MYO15A: variants seen among roughly 807,000 people sequenced by gnomAD.
MYO15A encodes myosin XVA, also known as unconventional myosin-XV.
Under a neutral mutation model 394.6 loss-of-function variants are expected in MYO15A, and 308 were observed. That is an observed-to-expected ratio of 0.78 (90% CI 0.71 to 0.86). MYO15A has a LOEUF of 0.86. Ranked by LOEUF, MYO15A falls within the 40% of genes least tolerant of loss-of-function variation. MYO15A has a pLI of 0.00. For missense variants in MYO15A, 4,606 were observed against 4,799.1 expected (o/e 0.96, Z 1.19); for synonymous variants, 1,957 against 2,003.8 (o/e 0.98, Z 0.62).
chr17:18,155,409 G>A lies in MYO15A; in HGVS notation c.8436G>A (p.Gln2812=), dbSNP rs772199506. The A allele has an allele frequency of 2.5e-6, 4 of 1,613,454 alleles. No individual in the cohort carries two copies. The South Asian group carries it at 4.4e-5, about 18-fold the overall frequency. ...AGGGTGGCCAGGAGGCCGGCGGGCA[G>A]CTGCGGGTCCTGCGTGCATACAGGT... ...MVKGGQEAGG[Q]LRVLRAYSFA... Residue 2812 remains glutamine, a synonymous_variant, in exon 47 of 66, where the codon CAG becomes CAA. Transcript: ENST00000647165.
Position 18,157,540 on chromosome 17 carries a change from C to G in MYO15A, c.8789-182C>G, listed in dbSNP as rs890229746. Reference sequence around the variant, plus strand: ...CACTTCCCCTTTATGGTCCTGTGGCCCTGAGAAAATCCCTTTCTTTCCCTG... The same window carrying G: ...CACTTCCCCTTTATGGTCCTGTGGCGCTGAGAAAATCCCTTTCTTTCCCTG... On this transcript the variant is annotated intron_variant, in intron 50 of 65. Transcript: ENST00000647165. 1.3e-5 allele frequency: 16 copies of G among 1,275,982 alleles called. No homozygotes were observed. In the African/African-American group the frequency reaches 2.1e-4, roughly 17 times the overall value. 79.0% of individuals were successfully genotyped at this position (1,275,982 alleles called of 1,614,324 possible).
chr17:18,120,795 G>A lies in MYO15A; in HGVS notation c.1995G>A (p.Val665=), dbSNP rs1307728457. Residue 665 remains valine (V), a synonymous_variant, in exon 2 of 66, where the codon GTG becomes GTA. Coordinates refer to ENST00000647165, the MANE Select transcript of MYO15A (RefSeq NM_016239.4). ...GGAGCGCGCTCCTGTCTCCGCCCGTGCCCCCGCGGCCCCCAAGCTCCGGGC... is the reference window on the plus strand; with the variant it reads ...GGAGCGCGCTCCTGTCTCCGCCCGTACCCCCGCGGCCCCCAAGCTCCGGGC... ...SHWSALLSPP[V]PPRPPSSGPP... is the part of the protein sequence containing the mutation. The A allele has an allele frequency of 3.1e-6, 4 of 1,304,258 alleles. No homozygotes were observed. Among genetic ancestry groups the A allele is most frequent in the East Asian group, 7.3e-5 (2 of 27,408 alleles). The allele number at this position is 1,304,258 out of a possible 1,614,324, so 80.8% of individuals were successfully genotyped here. A position where few individuals can be genotyped will look rare whatever the true frequency, so the allele number is the denominator to read the frequency against.
At chr17:18,172,475 T>A in intron 64 of MYO15A, 185 bp downstream of exon 64, 1 of 940,228 alleles carries the variant, frequency 1.1e-6, no homozygotes, top group Non-Finnish European at 1.7e-6. Context: ...AGGATAAGAG[T>A]TGAGCCCCAC....
rs2046643492 is a variant in MYO15A at position 18,154,704 on chromosome 17, G to A, written c.8173G>A (p.Ala2725Thr). The A allele has an allele frequency of 6.2e-7, 1 of 1,613,714 alleles. No individual in the cohort carries two copies. Among genetic ancestry groups the A allele is most frequent in the African/African-American group, 1.3e-5 (1 of 75,036 alleles). The change falls in exon 45 of 66, where the codon GCC becomes ACC. Residue 2725 changes from alanine to threonine, a missense_variant. This residue lies in a region of MYO15A where 2,776 missense variants were observed against 3,109.3 expected (regional missense o/e 0.89). Coordinates refer to ENST00000647165, the MANE Select transcript of MYO15A (RefSeq NM_016239.4). Reference protein sequence around the residue: ...RQILHDTLSEACLRISEDERL... With the variant: ...RQILHDTLSETCLRISEDERL... The stretch of plus-strand genomic sequence containing the variant: ...GATCCTGCACGACACGCTCTCCGAG[G>A]CCTGCCTTCGCATCTCTGAGGATGA...
rs1388978501 is a variant in MYO15A, at chr17:18,139,595, T to C, written c.5195T>C (p.Val1732Ala). 3.1e-6 allele frequency: 5 copies of C among 1,614,052 alleles called. No homozygotes were observed. Among genetic ancestry groups the C allele is most frequent in the Non-Finnish European group, 4.2e-6 (5 of 1,179,988 alleles). ...CGCCAGGATGTGCTGGACCTGTTCG[T>C]ACGGAGCCGGACACGGGTAAGCCTC... ...QVRQDVLDLF[V>A]RSRTRVVAHL... Residue 1732 changes from valine (V) to alanine (A), a missense_variant, in exon 19 of 66, where the codon GTA becomes GCA. Coordinates refer to ENST00000647165, the MANE Select transcript of MYO15A (RefSeq NM_016239.4).
rs573834958 is a variant in MYO15A at position 18,143,585 on chromosome 17, G to C, written c.5930G>C (p.Cys1977Ser). Residue 1977 changes from cysteine to serine, a missense_variant, in exon 26 of 66, where the codon TGC becomes TCC. Physicochemically the swap from Cys to Ser is moderately radical, Grantham distance 112. This residue lies in a region of MYO15A where 2,776 missense variants were observed against 3,109.3 expected (regional missense o/e 0.89). Transcript: ENST00000647165. ...RYLKLRAEWR[C>S]QVEGALLWEQ... ...CTGAAGCTGAGGGCAGAGTGGAGGT[G>C]CCAGGTGGAGGGGGCGCTGCTGTGG... 6.4e-7 allele frequency: 1 copy of C among 1,562,708 alleles called. No individual in the cohort carries two copies. Among genetic ancestry groups the C allele is most frequent in the African/African-American group, 1.4e-5 (1 of 73,742 alleles).
At chr17:18,138,089 G>C in intron 16 of MYO15A, 26 bp from the exon 17 acceptor site, 1 of 1,605,362 alleles carries the variant, frequency 6.2e-7, no homozygotes, top group Non-Finnish European at 8.5e-7. Context: ...ATGGGAGGTT[G>C]AGCTCCTGCT....
rs1010339427 is a variant in MYO15A at position 18,163,211 on chromosome 17, A to T, written c.9613-33A>T. The T allele has an allele frequency of 3.1e-6, 5 of 1,607,780 alleles. No homozygotes were observed. The African/African-American group carries it at 6.7e-5, about 22-fold the overall frequency. ...GGGCTGTCCCAGATCCTAGGACCCA[A>T]CCTGTCATCCCTCTCCCACCTATCT... is the stretch of plus-strand genomic sequence containing the variant. On this transcript the variant is annotated intron_variant, in intron 58 of 65. Coordinates refer to ENST00000647165, the MANE Select transcript of MYO15A (RefSeq NM_016239.4).
chr17:18,155,351 C>T lies in MYO15A; in HGVS notation c.8378C>T (p.Ser2793Phe), dbSNP rs1468362066. The change falls in exon 47 of 66, where the codon TCC (serine) becomes TTC (phenylalanine). Residue 2793 changes from serine to phenylalanine, a missense_variant. Coordinates refer to ENST00000647165, the MANE Select transcript of MYO15A (RefSeq NM_016239.4). Reference sequence around the variant, plus strand: ...ACTGGTGTGCAGCTCCTAGCTGTGTCCCACGTGGGCATCAAACTCCTGAGG... The same window carrying T: ...ACTGGTGTGCAGCTCCTAGCTGTGTTCCACGTGGGCATCAAACTCCTGAGG... ...VGTGVQLLAV[S>F]HVGIKLLRMV... The T allele has an allele frequency of 6.2e-7, 1 of 1,613,794 alleles. No homozygotes were observed. The highest frequency in any genetic ancestry group is 8.5e-7 in the Non-Finnish European group (1 of 1,180,036).
intron 3 of MYO15A, 24 bp from the exon 4 acceptor site, chr17:18,125,144 C>T (rs1375846377): frequency 1.2e-5 from 20 of 1,612,854 alleles, no homozygotes; most frequent in Admixed American, 1.2e-4. Context: ...GGGGCACTGA[C>T]GGCTTCTCTC....
At position 18,119,403 on chromosome 17, in the gene MYO15A, G is replaced by C. The variant is rs1212488587; in HGVS notation, c.603G>C (p.Glu201Asp). Residue 201 changes from glutamate to aspartate, a missense_variant, in exon 2 of 66, where the codon GAG (glutamate) becomes GAC (aspartate). By Grantham distance (45) the Glu-to-Asp change is conservative. This residue lies in a region of MYO15A where 1,830 missense variants were observed against 1,689.7 expected (regional missense o/e 1.08). Transcript: ENST00000647165. ...GCCGCAGCATCTACGCGTCAGGCGA[G>C]CCCCTGGGCTTCCTGCCCTTCGAGG... ...PRSRSIYASG[E>D]PLGFLPFEDE... The C allele has an allele frequency of 1.5e-5, 24 of 1,611,564 alleles. No homozygotes were observed. Among genetic ancestry groups the C allele is most frequent in the Non-Finnish European group, 1.8e-5 (21 of 1,179,918 alleles).
At chr17:18,130,689 A>G in intron 7 of MYO15A, 116 bp from the exon 8 acceptor site, 1 of 1,568,234 alleles carries the variant, frequency 6.4e-7, no homozygotes, top group South Asian at 1.2e-5. Context: ...GGTTTTTACT[A>G]GTCCCTCCCT....
chr17:18,140,856 A>T (rs1370568136), intron 21 of MYO15A, 24 bp downstream of exon 21: 11 of 1,613,828 alleles, frequency 6.8e-6, no homozygotes, highest in Non-Finnish European at 9.3e-6. Context: ...GAGGCCTCTG[A>T]GAGAGCCAAA....
chr17:18,139,046 G>T, intron 18 of MYO15A, 110 bp downstream of exon 18: 5 of 1,473,250 alleles, frequency 3.4e-6, no homozygotes, highest in Non-Finnish European at 4.6e-6. Context: ...TCCAATTCTG[G>T]CTCTGCTGTG....
In MYO15A at chr17:18,159,767, TG is replaced by T. The variant is rs775174866; in HGVS notation, c.9303+91del. 18 of 1,521,920 alleles carry T rather than the reference TG, an allele frequency of 1.2e-5. No individual in the cohort carries two copies. The South Asian group carries it at 1.9e-4, about 16-fold the overall frequency. 94.3% of individuals were successfully genotyped at this position (1,521,920 alleles called of 1,614,324 possible). ...ATCAATGAGTCACAGGACATTAGGG[TG>T]GGAAACCTCTCCCATGGTCCAAAGA... On this transcript the variant is annotated intron_variant, in intron 55 of 65. Coordinates refer to ENST00000647165, the MANE Select transcript of MYO15A (RefSeq NM_016239.4).
chr17:18,168,949 T>A lies in MYO15A; in HGVS notation c.10082+1226T>A, dbSNP rs868678588. On this transcript the variant is annotated intron_variant, in intron 62 of 65. Transcript: ENST00000647165. Reference sequence around the variant, plus strand: ...AAACCCCGTATCTACTAAAAAAATTTAAAAAAAAAAAAAATTAGCCAGAGG... The same window carrying A: ...AAACCCCGTATCTACTAAAAAAATTAAAAAAAAAAAAAAATTAGCCAGAGG... Among the ~76,000 whole-genome samples, 360 of 135,560 alleles carry A rather than the reference T, an allele frequency of 2.7e-3. 2 individuals are homozygous for A. The highest frequency in any genetic ancestry group is 8.9e-3 in the East Asian group (41 of 4,620). The allele number at this position is 135,560 out of a possible 152,430, so 88.9% of individuals were successfully genotyped here.
rs760484050 is a variant in MYO15A, at chr17:18,178,762, C to G, written c.10492-7C>G. 1.2e-6 allele frequency: 2 copies of G among 1,613,662 alleles called. No individual in the cohort carries two copies. Among genetic ancestry groups the G allele is most frequent in the Admixed American group, 3.3e-5 (2 of 60,028 alleles). ...GGATGGGCGTGGACTGTCACTGTCA[C>G]CTGCAGGGACTGGAACTGTGTCGTG... On this transcript the variant is annotated splice_polypyrimidine_tract_variant and splice_region_variant and intron_variant, in intron 65 of 65. Coordinates refer to ENST00000647165, the MANE Select transcript of MYO15A (RefSeq NM_016239.4).
chr17:18,131,253 AC>A lies in MYO15A; in HGVS notation c.4057del (p.Leu1353SerfsTer31), dbSNP rs770991317. On this transcript the variant is annotated frameshift_variant, in exon 9 of 66. Transcript: ENST00000647165. LOFTEE classifies it high-confidence loss of function. ...CTGGAGTCCAGATCCTGGAGGCAAC[AC>A]CCCTCTTGGAGTCCTTCGGTAATGC... is the stretch of plus-strand genomic sequence containing the variant. ...MQQIKILEAT[P>X]LLESFGNAKT... The A allele has an allele frequency of 7.4e-6, 12 of 1,613,318 alleles. No individual in the cohort carries two copies. The Admixed American group carries it at 2.0e-4, about 27-fold the overall frequency.
intron 65 of MYO15A, among the ~76,000 whole-genome samples, chr17:18,175,383 T>C (rs1419287294): frequency 6.8e-6 from 1 of 147,408 alleles, no homozygotes; most frequent in Non-Finnish European, 1.5e-5. Flanking sequence ...CTCCACCTCC[T>C]GGGTTCAAGC....
Sources: gnomAD v4.1 joint callset for allele counts (sites outside exome capture counted in the v4.1 genomes callset) on GRCh38, gnomAD v4.1.1 for gene constraint, gnomAD v4.1.1 regional missense constraint, MANE v1.5 for transcripts, NCBI Gene and HGNC (gene_info 2026-07-23, HGNC 2026-07-21) for gene names.